The following CDCA5 variants were observed in gnomAD, a reference collection of about 807,000 sequenced individuals.
CDCA5 encodes the protein cell division cycle associated 5, also known as sororin.
A neutral mutation model predicts 25.7 loss-of-function variants in CDCA5; 14 were observed. The observed-to-expected ratio is 0.54, with a 90% CI of 0.36 to 0.85. CDCA5 has a LOEUF of 0.85. Ranked by LOEUF, CDCA5 falls within the 40% of genes least tolerant of loss-of-function variation. The pLI, the probability that CDCA5 is intolerant of heterozygous loss-of-function variation, is 0.01. For synonymous variants in CDCA5, 127 were observed against 128.7 expected, an observed-to-expected ratio of 0.99 and a Z score of 0.09; for missense variants, 307 against 324.5, an observed-to-expected ratio of 0.95 and a Z score of 0.41.
intron 1 of CDCA5, among the ~76,000 whole-genome samples, chr11:65,069,256 A>G (rs1007296360): frequency 1.3e-5 from 2 of 150,536 alleles, no homozygotes; most frequent in Non-Finnish European, 3.0e-5. Flanking sequence ...AAAAAAAAAA[A>G]GCTGAAGTTA....
chr11:65,065,792 G>A (rs1452558555), downstream of CDCA5, among the ~76,000 whole-genome samples: 2 of 152,002 alleles, frequency 1.3e-5, no homozygotes, highest in African/African-American at 4.8e-5. Context: ...CTGGGTTGGA[G>A]GTGAAACTCA....
At chr11:65,061,618 C>T (rs1445793121), downstream of CDCA5, among the ~76,000 whole-genome samples, 1 of 151,490 alleles carries the variant, frequency 6.6e-6, no homozygotes, top group African/African-American at 2.4e-5. Flanking sequence ...ACTCAAAATA[C>T]AAAAAAATTA....
chr11:65,069,555 A>C (rs547664725), intron 1 of CDCA5, among the ~76,000 whole-genome samples: 1 of 152,294 alleles, frequency 6.6e-6, no homozygotes, highest in East Asian at 1.9e-4. Flanking sequence ...TGGCTGCTGG[A>C]GAATAGGTAG....
chr11:65,075,116 G>A (rs1416716752), downstream of CDCA5, among the ~76,000 whole-genome samples: 1 of 150,304 alleles, frequency 6.7e-6, no homozygotes, highest in Non-Finnish European at 1.5e-5. Flanking sequence ...GGCCCGGCGT[G>A]CCAGCCACGG....
At chr11:65,068,429 C>G in intron 2 of CDCA5, 1 of 1,052,534 alleles carries the variant, frequency 9.5e-7, no homozygotes, top group African/African-American at 1.6e-5. Context: ...GGAAGAATTT[C>G]TCCAGCTCTC....
downstream of CDCA5, among the ~76,000 whole-genome samples, chr11:65,062,663 G>A (rs1383463749): frequency 6.6e-6 from 1 of 152,126 alleles, no homozygotes; most frequent in East Asian, 1.9e-4. Context: ...TGGGTGCAGT[G>A]GCTCATACCT....
intron 6 of CDCA5, chr11:65,066,480 G>T (rs1233376632): frequency 7.8e-7 from 1 of 1,288,678 alleles, no homozygotes; most frequent in East Asian, 5.6e-5. Flanking sequence ...GTCACTGCAG[G>T]CAGAGACAGC....
downstream of CDCA5, among the ~76,000 whole-genome samples, chr11:65,063,246 G>C (rs772495177): frequency 8.4e-4 from 128 of 152,348 alleles, no homozygotes; most frequent in Non-Finnish European, 8.5e-4. Flanking sequence ...TCAGTGCTGG[G>C]TGTTCCCAAA....
rs1947637090 is a variant in CDCA5 at position 65,083,998 on chromosome 11, G to A, written c.-20C>T. 6.2e-7 allele frequency: 1 copy of A among 1,606,164 alleles called. No individual in the cohort carries two copies. Among genetic ancestry groups the A allele is most frequent in the Admixed American group, 1.7e-5 (1 of 59,472 alleles). On this transcript the variant is annotated 5_prime_UTR_variant, in exon 1 of 6. Coordinates refer to ENST00000275517, the MANE Select transcript of CDCA5 (RefSeq NM_080668.4). ...AGACATAACTTAGGCTCCGTCTCGA[G>A]CTCCTCCAGCGCCGCCGCCCCGGGC...
chr11:65,068,560 G>A lies in CDCA5; in HGVS notation c.105C>T (p.Asn35=), dbSNP rs117696128. 4.2e-3 allele frequency: 5,444 copies of A among 1,289,408 alleles called. 7 individuals are homozygous for A. Among genetic ancestry groups the A allele is most frequent in the Non-Finnish European group, 5.0e-3 (4,938 of 988,842 alleles). The allele number at this position is 1,289,408 out of a possible 1,614,324, so 79.9% of individuals were successfully genotyped here. A position where few individuals can be genotyped will look rare whatever the true frequency, so the allele number is the denominator to read the frequency against. ...CCTCAACAGGCTGCACCACTGGCTTGTTGGCCAGCTTGGAGTGGGCTCTTT... is the reference window on the plus strand; with the variant it reads ...CCTCAACAGGCTGCACCACTGGCTTATTGGCCAGCTTGGAGTGGGCTCTTT... The change falls in exon 2 of 7, where the codon AAC becomes AAT. Residue 35 remains asparagine (N), a synonymous_variant. Coordinates refer to the CDCA5 transcript ENST00000525464.
At chr11:65,062,147 C>T (rs1197316770), downstream of CDCA5, among the ~76,000 whole-genome samples, 2 of 152,024 alleles carry the variant, frequency 1.3e-5, no homozygotes, top group Non-Finnish European at 2.9e-5. Flanking sequence ...CTCAAACTCC[C>T]AACCTCAGGT....
chr11:65,076,639 A>T (rs989246717), downstream of CDCA5, among the ~76,000 whole-genome samples: 1 of 152,204 alleles, frequency 6.6e-6, no homozygotes, highest in Non-Finnish European at 1.5e-5. Flanking sequence ...GGAGGCAAGT[A>T]CAAGTGTGGA....
At chr11:65,064,245 C>T (rs570307191), downstream of CDCA5, among the ~76,000 whole-genome samples, 2 of 151,864 alleles carry the variant, frequency 1.3e-5, no homozygotes, top group South Asian at 2.1e-4. Context: ...GGTGAAACCC[C>T]GTCTCTACTA....
At chr11:65,073,540 G>C (rs1348256949), downstream of CDCA5, among the ~76,000 whole-genome samples, 1 of 152,184 alleles carries the variant, frequency 6.6e-6, no homozygotes, top group Non-Finnish European at 1.5e-5. Context: ...GAGGCAGAGA[G>C]CAAAGGTTCA....
chr11:65,083,907 A>C (rs779656242), intron 1 of CDCA5, 26 bp downstream of exon 1: 1 of 1,609,090 alleles, frequency 6.2e-7, no homozygotes, highest in South Asian at 1.1e-5. Flanking sequence ...GCTCGACCTC[A>C]CGTCTCCCGC....
At chr11:65,070,025 G>A (rs1273758624) in intron 1 of CDCA5, among the ~76,000 whole-genome samples, 2 of 152,228 alleles carry the variant, frequency 1.3e-5, no homozygotes, top group African/African-American at 4.8e-5. Context: ...GAGCTCCAGA[G>A]AGACTGCACA....
At chr11:65,066,541 T>A (rs1947240616) in intron 6 of CDCA5, 1 of 1,289,302 alleles carries the variant, frequency 7.8e-7, no homozygotes, top group South Asian at 1.2e-5. Flanking sequence ...CTGCCATGGC[T>A]GCCCGCACAC....
intron 4 of CDCA5, chr11:65,067,538 G>T: frequency 2.2e-6 from 1 of 447,590 alleles, no homozygotes; most frequent in South Asian, 1.9e-5. Context: ...AATTAAAGGT[G>T]GGGGTTCCTG....
rs533690572 is a variant in CDCA5 at position 65,079,426 on chromosome 11, T to G, written c.605A>C (p.Asp202Ala). ...TGGGGAGATTCCAGGGAGAGTCATG[T>G]CTGGGGCCCAGGGCTTTGCACAAAC... ...PRVCAKPWAP[D>A]MTLPGISPPP... The change falls in exon 5 of 6, where the codon GAC becomes GCC. Residue 202 changes from aspartate to alanine, a missense_variant. Asp to Ala is a moderately radical substitution (Grantham distance 126, BLOSUM62 -2). Transcript: ENST00000275517. 1 of 1,614,084 alleles carries G rather than the reference T, an allele frequency of 6.2e-7. No individual in the cohort carries two copies. The highest frequency in any genetic ancestry group is 1.3e-5 in the African/African-American group (1 of 75,000).
Sources: allele counts gnomAD v4.1 joint callset (sites outside exome capture counted in the v4.1 genomes callset), GRCh38; gene constraint gnomAD v4.1.1; transcripts MANE v1.5; gene names NCBI Gene and HGNC (gene_info 2026-07-23, HGNC 2026-07-21).